Variants in NLGN1 observed in about 807,000 individuals in gnomAD.
The protein encoded by NLGN1 is neuroligin 1, also known as neuroligin-1.
A neutral mutation model predicts 65.5 loss-of-function variants in NLGN1; 12 were observed. That is an observed-to-expected ratio of 0.18 (90% CI 0.12 to 0.30). NLGN1 has a LOEUF of 0.30. NLGN1 is among the 10% of genes least tolerant of loss of function. The pLI is 1.00. For synonymous variants in NLGN1, 350 were observed against 359.5 expected, an observed-to-expected ratio of 0.97 and a Z score of 0.30; for missense variants, 750 against 1,007.1, an observed-to-expected ratio of 0.74 and a Z score of 3.46.
intron 4 of NLGN1, among the ~76,000 whole-genome samples, chr3:174,234,181 T>G (rs1029237395): frequency 9.9e-5 from 15 of 151,978 alleles, no homozygotes; most frequent in African/African-American, 3.6e-4. Context: ...GAGTGAAAGT[T>G]TATTAAAAAG....
At position 173,792,659 on chromosome 3, in the gene NLGN1, G is replaced by A. The variant is rs1186666841; in HGVS notation, c.494-15021G>A. 3.3e-5 allele frequency among the ~76,000 whole-genome samples: 5 copies of A among 152,204 alleles called. 1 individual carries two copies. The highest frequency in any genetic ancestry group is 9.6e-5 in the African/African-American group (4 of 41,536). On this transcript the variant is annotated intron_variant, in intron 3 of 6. Coordinates refer to ENST00000457714, the Ensembl canonical transcript of NLGN1. ...ATAAAAAAAAGACATATTTTGGAAA[G>A]CAATGGAACTTAAGAGATAAAATGT...
chr3:173,656,335 ATTTTC>A (rs1560115756), intron 3 of NLGN1, among the ~76,000 whole-genome samples: 1 of 152,022 alleles, frequency 6.6e-6, no homozygotes, highest in Admixed American at 6.6e-5. Flanking sequence ...GCTCATAACT[ATTTTC>A]TTTTCCTTGT....
At chr3:174,152,003 A>G (rs725800) in intron 4 of NLGN1, among the ~76,000 whole-genome samples, 57,680 of 151,776 alleles carry the variant, frequency 0.38, 13,143 homozygotes, top group African/African-American at 0.64. Flanking sequence ...AAGAATACAG[A>G]TACCAAAACA....
At chr3:174,027,870 A>T (rs1397575172) in intron 4 of NLGN1, among the ~76,000 whole-genome samples, 1 of 152,106 alleles carries the variant, frequency 6.6e-6, no homozygotes, top group East Asian at 1.9e-4. Context: ...CTTAAGTCTC[A>T]CCTTGAATTG....
At chr3:173,831,178 C>G (rs1201998446) in intron 4 of NLGN1, among the ~76,000 whole-genome samples, 1 of 151,952 alleles carries the variant, frequency 6.6e-6, no homozygotes, top group East Asian at 1.9e-4. Context: ...TTTTCTTTAT[C>G]CATTCATCTG....
rs142443124 is a variant in NLGN1, at chr3:174,271,782, A to G, written c.647-3533A>G. ...AAGTGGGAAGACTGGTATTAAATAA[A>G]TTCTATTTGGACAAATAGGTGAATG... On this transcript the variant is annotated intron_variant, in intron 4 of 6. Transcript: ENST00000457714. Among the ~76,000 whole-genome samples, 467 of 151,860 alleles carry G rather than the reference A, an allele frequency of 3.1e-3. 8 individuals are homozygous for G. The highest frequency in any genetic ancestry group is 0.011 in the African/African-American group (436 of 41,512).
At chr3:173,676,527 T>A (rs997311304) in intron 3 of NLGN1, among the ~76,000 whole-genome samples, 1 of 152,284 alleles carries the variant, frequency 6.6e-6, no homozygotes, top group African/African-American at 2.4e-5. Flanking sequence ...TTTTTCTCTA[T>A]AAAGGTAATA....
At chr3:174,083,856 G>A (rs1465868546) in intron 4 of NLGN1, among the ~76,000 whole-genome samples, 2 of 151,774 alleles carry the variant, frequency 1.3e-5, no homozygotes, top group African/African-American at 4.8e-5. Flanking sequence ...TGAAAAAAAA[G>A]AGCTGATAGC....
intron 4 of NLGN1, among the ~76,000 whole-genome samples, chr3:173,962,785 G>A (rs1483660695): frequency 6.6e-6 from 1 of 152,080 alleles, no homozygotes; most frequent in East Asian, 1.9e-4. Flanking sequence ...TAGCCTAAGG[G>A]TGCTTTCTAA....
rs1732978048 is a variant in NLGN1, at chr3:174,194,410, C to T, written c.647-80905C>T. ...GTTTCAGTGAGCTGAGGTCGCACCA[C>T]TGAACTCCAGCCTGGAGACAGAGCT... On this transcript the variant is annotated intron_variant, in intron 4 of 6. Coordinates refer to ENST00000457714, the Ensembl canonical transcript of NLGN1. 2.0e-5 allele frequency among the ~76,000 whole-genome samples: 3 copies of T among 150,606 alleles called. No individual in the cohort carries two copies. The South Asian group carries it at 6.3e-4, about 31-fold the overall frequency.
chr3:173,527,883 GT>G (rs1401734513), intron 2 of NLGN1, among the ~76,000 whole-genome samples: 1 of 152,062 alleles, frequency 6.6e-6, no homozygotes, highest in Non-Finnish European at 1.5e-5. Context: ...TGGTGTTGAT[GT>G]TGCTTTAGTT....
chr3:174,030,377 G>T (rs1225390770), intron 4 of NLGN1, among the ~76,000 whole-genome samples: 1 of 152,090 alleles, frequency 6.6e-6, no homozygotes, highest in Non-Finnish European at 1.5e-5. Context: ...TCCCGCCTCG[G>T]CCTCCCAAAG....
intron 3 of NLGN1, among the ~76,000 whole-genome samples, chr3:173,687,259 GC>G (rs1764822986): frequency 1.3e-5 from 2 of 152,168 alleles, no homozygotes; most frequent in African/African-American, 4.8e-5. Flanking sequence ...CTTTTATAAT[GC>G]ACATTTTACT....
intron 2 of NLGN1, among the ~76,000 whole-genome samples, chr3:173,505,045 C>T (rs537596600): frequency 2.0e-5 from 3 of 152,006 alleles, no homozygotes; most frequent in African/African-American, 7.2e-5. Flanking sequence ...TGCCCTTCCC[C>T]CACCCCTTGC....
chr3:174,244,256 T>C (rs976437175), intron 4 of NLGN1, among the ~76,000 whole-genome samples: 1 of 152,220 alleles, frequency 6.6e-6, no homozygotes, highest in African/African-American at 2.4e-5. Flanking sequence ...AAAGTATTCA[T>C]TTAAGAACAG....
intron 2 of NLGN1, among the ~76,000 whole-genome samples, chr3:173,585,209 T>G (rs545166468): frequency 5.2e-4 from 79 of 152,200 alleles, no homozygotes; most frequent in African/African-American, 1.9e-3. Flanking sequence ...AAAAACCTTG[T>G]TTTTGTGGCG....
intron 2 of NLGN1, among the ~76,000 whole-genome samples, chr3:173,495,768 T>C (rs576599948): frequency 1.3e-5 from 2 of 150,458 alleles, no homozygotes; most frequent in East Asian, 3.9e-4. Flanking sequence ...CAAGATACAG[T>C]ATATTAAACA....
chr3:173,732,778 C>T (rs866551384), intron 3 of NLGN1, among the ~76,000 whole-genome samples: 2 of 151,930 alleles, frequency 1.3e-5, no homozygotes, highest in East Asian at 1.9e-4. Flanking sequence ...TTTCTACAAG[C>T]CTCTTCATTT....
chr3:173,476,759 A>G (rs1027222884), intron 2 of NLGN1, among the ~76,000 whole-genome samples: 2 of 152,138 alleles, frequency 1.3e-5, no homozygotes, highest in African/African-American at 4.8e-5. Flanking sequence ...TTTACTAGAG[A>G]TAGAGAGAAC....
Sources: allele counts gnomAD v4.1 joint callset (sites outside exome capture counted in the v4.1 genomes callset), GRCh38; gene constraint gnomAD v4.1.1; transcripts MANE v1.5; gene names NCBI Gene and HGNC (gene_info 2026-07-23, HGNC 2026-07-21).